The following CACNA2D4 variants were observed in gnomAD, a reference collection of about 807,000 sequenced individuals.
The protein encoded by CACNA2D4 is voltage-dependent calcium channel subunit alpha-2/delta-4.
A neutral mutation model predicts 163.8 loss-of-function variants in CACNA2D4; 157 were observed. That is an observed-to-expected ratio of 0.96 (90% CI 0.84 to 1.09). CACNA2D4 has a LOEUF of 1.09. Among genes scored for constraint, CACNA2D4 ranks in the 50% least tolerant of loss-of-function variants. CACNA2D4 has a pLI of 0.00. For synonymous variants in CACNA2D4, 598 were observed against 586.9 expected, an observed-to-expected ratio of 1.02 and a Z score of -0.27; for missense variants, 1,410 against 1,479.9, an observed-to-expected ratio of 0.95 and a Z score of 0.78.
Position 1,864,974 on chromosome 12 carries a change from C to T in CACNA2D4, c.1879-4768G>A, listed in dbSNP as rs1592719525. ...CCAGGACCGTGGTGCCCTCGCCGCGCCGCTCCCGGGTCTCCAGGTGGGCGC... is the reference window on the plus strand; with the variant it reads ...CCAGGACCGTGGTGCCCTCGCCGCGTCGCTCCCGGGTCTCCAGGTGGGCGC... On this transcript the variant is annotated intron_variant, in intron 18 of 37. Coordinates refer to ENST00000382722, the MANE Select transcript of CACNA2D4 (RefSeq NM_172364.5). 3.3e-5 allele frequency among the ~76,000 whole-genome samples: 5 copies of T among 152,158 alleles called. No individual in the cohort carries two copies. In the South Asian group the frequency reaches 8.3e-4, roughly 25 times the overall value.
chr12:1,801,067 G>C lies in CACNA2D4; in HGVS notation c.2844C>G (p.His948Gln). The change falls in exon 31 of 38, where the codon CAC (histidine) becomes CAG (glutamine). Residue 948 changes from histidine to glutamine, a missense_variant. His to Gln is a conservative substitution (Grantham distance 24). Coordinates refer to ENST00000382722, the MANE Select transcript of CACNA2D4 (RefSeq NM_172364.5). ...CGCTGACCAGGGGCTGGGCTGCACT[G>C]TGGTGGTGACTCGAGGGTTTGCACA... The part of the protein sequence containing the change: ...QAMCKPSSHH[H>Q]SAAQPLVSPI... 6.2e-7 allele frequency: 1 copy of C among 1,613,596 alleles called. No homozygotes were observed. Among genetic ancestry groups the C allele is most frequent in the East Asian group, 2.2e-5 (1 of 44,870 alleles).
At chr12:1,884,583 C>G (rs1397004392) in intron 11 of CACNA2D4, among the ~76,000 whole-genome samples, 185 bp downstream of exon 11, 1 of 152,090 alleles carries the variant, frequency 6.6e-6, no homozygotes, top group Non-Finnish European at 1.5e-5. Flanking sequence ...CTTCCTACAT[C>G]AGGCCTCTGT....
intron 4 of CACNA2D4, 127 bp downstream of exon 4, chr12:1,909,779 G>A: frequency 1.4e-6 from 1 of 737,136 alleles, no homozygotes; most frequent in Non-Finnish European, 2.3e-6. Flanking sequence ...GCCTGTGAGG[G>A]GTGAGCAGTA....
Position 1,856,077 on chromosome 12 carries a change from T to C in CACNA2D4, c.2087A>G (p.His696Arg), listed in dbSNP as rs115228472. The part of the protein sequence containing the change: ...IYCITDIDPD[H>R]RKLSQLEAMI... ...GGCCTCTAGCTGGCTGAGCTTCCGG[T>C]GGTCTGGGTCAATATCTGTGATGCA... Residue 696 changes from histidine (H) to arginine (R), a missense_variant, in exon 22 of 38, where the codon CAC becomes CGC. Physicochemically the swap from His to Arg is conservative, Grantham distance 29. Transcript: ENST00000382722. 3.0e-3 allele frequency: 4,787 copies of C among 1,613,972 alleles called. 111 individuals carry two copies. The African/African-American group carries it at 0.047, about 16-fold the overall frequency.
In CACNA2D4 at chr12:1,799,577, G is replaced by T. The variant is rs1195119775; in HGVS notation, c.2995+98C>A. 2.3e-6 allele frequency: 3 copies of T among 1,299,920 alleles called. No homozygotes were observed. Among genetic ancestry groups the T allele is most frequent in the African/African-American group, 2.9e-5 (2 of 68,080 alleles). 80.5% of individuals were successfully genotyped at this position (1,299,920 alleles called of 1,614,324 possible). ...CCAGGAGAGCTCAGCCCTGCTTGGG[G>T]TCATTCCTGGGACAGGTCATGGAGG... is the stretch of plus-strand genomic sequence containing the variant. On this transcript the variant is annotated intron_variant, in intron 34 of 37. Coordinates refer to ENST00000382722, the MANE Select transcript of CACNA2D4 (RefSeq NM_172364.5). The surrounding 1 kb of genome is among the most constrained non-coding windows in gnomAD (Gnocchi z 4.7).
rs776904047 is a variant in CACNA2D4 at position 1,828,128 on chromosome 12, C to T, written c.2551+12611G>A. The T allele has an allele frequency of 1.1e-4, 169 of 1,522,516 alleles. No individual in the cohort carries two copies. Among genetic ancestry groups the T allele is most frequent in the South Asian group, 3.7e-4 (30 of 80,640 alleles). 94.3% of individuals were successfully genotyped at this position (1,522,516 alleles called of 1,614,324 possible). A position where few individuals can be genotyped will look rare whatever the true frequency, so the allele number is the denominator to read the frequency against. Reference sequence around the variant, plus strand: ...CCTCTCTCCCCAGAGCGACAGGGCCCGGAGAGCCGTGGGCCTCACCATGCT... The same window carrying T: ...CCTCTCTCCCCAGAGCGACAGGGCCTGGAGAGCCGTGGGCCTCACCATGCT... On this transcript the variant is annotated intron_variant, in intron 26 of 37. Coordinates refer to ENST00000382722, the MANE Select transcript of CACNA2D4 (RefSeq NM_172364.5). The surrounding 1 kb of genome is among the most constrained non-coding windows in gnomAD (Gnocchi z 4.2).
intron 6 of CACNA2D4, 36 bp from the exon 7 acceptor site, chr12:1,887,105 G>A (rs752506475): frequency 6.9e-6 from 10 of 1,457,014 alleles, no homozygotes; most frequent in East Asian, 2.4e-5. Flanking sequence ...TACTAGCTTG[G>A]TGAGGCCACC....
chr12:1,918,597 C>A lies in CACNA2D4; in HGVS notation c.-124G>T. 1.4e-6 allele frequency: 1 copy of A among 701,098 alleles called. No homozygotes were observed. 43.4% of individuals were successfully genotyped at this position (701,098 alleles called of 1,614,324 possible). A position where few individuals can be genotyped will look rare whatever the true frequency, so the allele number is the denominator to read the frequency against. On this transcript the variant is annotated 5_prime_UTR_variant, in exon 1 of 38. Coordinates refer to ENST00000382722, the MANE Select transcript of CACNA2D4 (RefSeq NM_172364.5). ...GGGAGGGCTTCTCTCTGCCCCACAGCTGCAGCTCACAGAAGAGTCGCCCCA... is the reference window on the plus strand; with the variant it reads ...GGGAGGGCTTCTCTCTGCCCCACAGATGCAGCTCACAGAAGAGTCGCCCCA...
At chr12:1,905,127 C>G (rs1866626812) in intron 6 of CACNA2D4, among the ~76,000 whole-genome samples, 2 of 152,030 alleles carry the variant, frequency 1.3e-5, no homozygotes, top group African/African-American at 4.8e-5. Context: ...CCATGGCCAT[C>G]CCAATGGATG....
intron 18 of CACNA2D4, among the ~76,000 whole-genome samples, chr12:1,870,261 C>T (rs185961043): frequency 3.9e-5 from 6 of 152,256 alleles, no homozygotes; most frequent in Admixed American, 3.9e-4. Context: ...TTCGGCTTTC[C>T]GTGTTGCATT....
In CACNA2D4 at chr12:1,806,899, C is replaced by G. The variant is rs577436349; in HGVS notation, c.2721+3379G>C. Reference sequence around the variant, plus strand: ...GAGGAATGAATGAGTTAGGGGAGGCCAGGCCCTGTGGCCCTCGATGGCACT... The same window carrying G: ...GAGGAATGAATGAGTTAGGGGAGGCGAGGCCCTGTGGCCCTCGATGGCACT... On this transcript the variant is annotated intron_variant, in intron 29 of 37. Transcript: ENST00000382722. This position sits in a 1 kb window ranked among gnomAD's most constrained non-coding sequence, Gnocchi z 4.1. Among the ~76,000 whole-genome samples the G allele has an allele frequency of 6.6e-6, 1 of 152,108 alleles. No homozygotes were observed. The highest frequency in any genetic ancestry group is 6.5e-5 in the Admixed American group (1 of 15,274).
intron 22 of CACNA2D4, 109 bp downstream of exon 22, chr12:1,855,903 G>T: frequency 1.3e-6 from 1 of 773,038 alleles, no homozygotes. Context: ...TGTGCTAATG[G>T]GATAGGGCTG....
At chr12:1,854,333 C>T (rs1251235153) in intron 22 of CACNA2D4, among the ~76,000 whole-genome samples, 2 of 152,124 alleles carry the variant, frequency 1.3e-5, no homozygotes, top group Non-Finnish European at 2.9e-5. Flanking sequence ...TCCCAGTCTC[C>T]CCCATCTCAA....
chr12:1,838,787 G>T (rs755274987), intron 26 of CACNA2D4, among the ~76,000 whole-genome samples: 11 of 152,166 alleles, frequency 7.2e-5, no homozygotes, highest in Non-Finnish European at 1.5e-4. Flanking sequence ...AGCTGAGAAG[G>T]CCCCCATCAC....
At chr12:1,793,891 A>G in intron 37 of CACNA2D4, 132 bp from the exon 38 acceptor site, 2 of 689,426 alleles carry the variant, frequency 2.9e-6, no homozygotes, top group Non-Finnish European at 2.5e-6. Flanking sequence ...AAGCACTGCT[A>G]CCTCTCTTAG....
chr12:1,809,944 G>A lies in CACNA2D4; in HGVS notation c.2721+334C>T, dbSNP rs184300542. 6.9e-3 allele frequency among the ~76,000 whole-genome samples: 1,048 copies of A among 152,350 alleles called. 10 individuals carry two copies. The highest frequency in any genetic ancestry group is 0.018 in the African/African-American group (760 of 41,580). On this transcript the variant is annotated intron_variant, in intron 29 of 37. Transcript: ENST00000382722. Reference sequence around the variant, plus strand: ...GCTTGGATCCTTGTGGGGAGGCCCCGAGTGAGGCTGGGCCAGTGTGGCCAG... The same window carrying A: ...GCTTGGATCCTTGTGGGGAGGCCCCAAGTGAGGCTGGGCCAGTGTGGCCAG...
At chr12:1,810,608 T>C in intron 27 of CACNA2D4, 21 bp from the exon 28 acceptor site, 1 of 1,552,396 alleles carries the variant, frequency 6.4e-7, no homozygotes, top group Non-Finnish European at 8.7e-7. Context: ...GAGGAGAGAC[T>C]GAATGTGGAC....
Position 1,828,252 on chromosome 12 carries a change from T to C in CACNA2D4, c.2551+12487A>G. On this transcript the variant is annotated intron_variant, in intron 26 of 37. Coordinates refer to ENST00000382722, the MANE Select transcript of CACNA2D4 (RefSeq NM_172364.5). The surrounding 1 kb of genome is among the most constrained non-coding windows in gnomAD (Gnocchi z 4.2). The stretch of plus-strand genomic sequence containing the variant: ...CCTGGCCTCGGAGGGGGGTGCGGGT[T>C]GGGTGGGGGTGCCGAGGTGACTGTA... The C allele has an allele frequency of 1.3e-6, 2 of 1,492,236 alleles. No homozygotes were observed. Among genetic ancestry groups the C allele is most frequent in the Middle Eastern group, 3.5e-4 (2 of 5,760 alleles). The allele number at this position is 1,492,236 out of a possible 1,614,324, so 92.4% of individuals were successfully genotyped here.
rs575422531 is a variant in CACNA2D4, at chr12:1,830,350, C to T, written c.2551+10389G>A. On this transcript the variant is annotated intron_variant, in intron 26 of 37. Transcript: ENST00000382722. ...GATGGAAACATAACAGCACTTGGGACGCCGTGAAGGACAGGGCTAGGAGTG... is the reference window on the plus strand; with the variant it reads ...GATGGAAACATAACAGCACTTGGGATGCCGTGAAGGACAGGGCTAGGAGTG... 1.1e-3 allele frequency among the ~76,000 whole-genome samples: 172 copies of T among 152,314 alleles called. 2 individuals are homozygous for T. The highest frequency in any genetic ancestry group is 2.6e-4 in the African/African-American group (11 of 41,556).
Sources: allele counts gnomAD v4.1 joint callset (sites outside exome capture counted in the v4.1 genomes callset), GRCh38; gene constraint gnomAD v4.1.1; non-coding constraint Gnocchi (gnomAD v3.1); transcripts MANE v1.5; gene names NCBI Gene and HGNC (gene_info 2026-07-23, HGNC 2026-07-21).